The following RILPL1 variants were observed in gnomAD, a reference collection of about 807,000 sequenced individuals.
RILPL1 encodes Rab interacting lysosomal protein like 1, also known as RILP-like protein 1.
Under a neutral mutation model 50.3 loss-of-function variants are expected in RILPL1, and 33 were observed. The observed-to-expected ratio is 0.66, with a 90% CI of 0.50 to 0.88. The LOEUF (loss-of-function observed/expected upper bound fraction) is 0.88, where lower values mean the gene tolerates loss of function less well. Among genes scored for constraint, RILPL1 ranks in the 40% least tolerant of loss-of-function variants. The probability of loss-of-function intolerance (pLI) is 0.00; values close to 1 mark genes in which losing one functional copy is unlikely to be tolerated. For synonymous variants in RILPL1, 205 were observed against 228.6 expected (o/e 0.90, Z 0.93); for missense variants, 418 against 542.5 (o/e 0.77, Z 2.28).
chr12:123,515,878 T>C (rs1004831732), intron 2 of RILPL1, among the ~76,000 whole-genome samples: 2 of 151,050 alleles, frequency 1.3e-5, no homozygotes, highest in African/African-American at 4.9e-5. Context: ...CTACTAAAAA[T>C]ACAAAATTAG....
In RILPL1 at chr12:123,498,450, A is replaced by C. The variant is rs141799310; in HGVS notation, c.801+94T>G. ...GTTGCCCAGGTTGGCCATTTTCTGA[A>C]GTATAATGGGGAAAACAAGGCAACC... On this transcript the variant is annotated intron_variant, in intron 4 of 6. Coordinates refer to ENST00000376874, the MANE Select transcript of RILPL1 (RefSeq NM_178314.5). This position sits in a 1 kb window ranked among gnomAD's most constrained non-coding sequence, Gnocchi z 4.3. 9.8e-3 allele frequency: 11,144 copies of C among 1,142,102 alleles called. 100 individuals are homozygous for C. The highest frequency in any genetic ancestry group is 0.013 in the South Asian group (990 of 75,036). The allele number at this position is 1,142,102 out of a possible 1,614,324, so 70.7% of individuals were successfully genotyped here.
rs879555215 is a variant in RILPL1 at position 123,476,779 on chromosome 12, G to GC, written c.1068-4098dup. ...GAGACAATACCTGACTGTTATTGAA[G>GC]CCCCTGAGTCTGCAGTATTTTGTTA... On this transcript the variant is annotated intron_variant, in intron 6 of 6. Transcript: ENST00000376874. Among the ~76,000 whole-genome samples, 79 of 152,334 alleles carry GC rather than the reference G, an allele frequency of 5.2e-4. No individual in the cohort carries two copies. The Middle Eastern group carries it at 0.017, about 33-fold the overall frequency.
intron 2 of RILPL1, among the ~76,000 whole-genome samples, chr12:123,517,428 T>G (rs1212982087): frequency 2.6e-5 from 2 of 75,768 alleles, no homozygotes; most frequent in Non-Finnish European, 7.5e-5. Context: ...GTTATTGTTT[T>G]TTTTTTTTTT....
rs1566107970 is a variant in RILPL1, at chr12:123,471,789, GAAA to G, written c.*746_*748del. On this transcript the variant is annotated 3_prime_UTR_variant, in exon 7 of 7. Transcript: ENST00000376874. ...TCCTAAAAGGAAAAAAAGATGTCAG[GAAA>G]AAAAAGTGCACACAAGAAATGTTGC... 6.6e-6 allele frequency: 1 copy of G among 152,350 alleles called. No individual in the cohort carries two copies. Among genetic ancestry groups the G allele is most frequent in the Non-Finnish European group, 1.5e-5 (1 of 67,964 alleles). The allele number at this position is 152,350 out of a possible 1,614,324, so 9.4% of individuals were successfully genotyped here.
At chr12:123,499,394 G>C (rs9697264) in intron 3 of RILPL1, 24 bp downstream of exon 3, 2 of 1,554,354 alleles carry the variant, frequency 1.3e-6, no homozygotes, top group East Asian at 4.5e-5. Context: ...GAGGGTGGAC[G>C]CAGGTCAGGG....
chr12:123,525,137 AAAT>A (rs1372913390), intron 1 of RILPL1, among the ~76,000 whole-genome samples: 4 of 151,916 alleles, frequency 2.6e-5, no homozygotes, highest in African/African-American at 7.3e-5. Flanking sequence ...GTCTTGGAAA[AAAT>A]AATAATAATA....
At chr12:123,497,679 A>AC (rs1335439672) in intron 4 of RILPL1, among the ~76,000 whole-genome samples, 8 of 152,132 alleles carry the variant, frequency 5.3e-5, no homozygotes, top group Admixed American at 4.6e-4. Context: ...GGTGTGAGCC[A>AC]CCATACCCAG....
chr12:123,507,540 GGTT>G (rs1489331041), intron 2 of RILPL1, among the ~76,000 whole-genome samples: 4 of 24,128 alleles, frequency 1.7e-4, no homozygotes, highest in Non-Finnish European at 3.3e-4. Context: ...TTCCAGCCTG[GGTT>G]GACAGAATGA....
intron 4 of RILPL1, among the ~76,000 whole-genome samples, chr12:123,496,234 G>A (rs776104794): frequency 1.3e-5 from 2 of 151,738 alleles, no homozygotes; most frequent in Admixed American, 6.6e-5. Flanking sequence ...GGCTGGTCTC[G>A]AACTCCTGAC....
rs370495740 is a variant in RILPL1, at chr12:123,517,463, C to T, written c.460+6032G>A. Among the ~76,000 whole-genome samples, 4 of 149,968 alleles carry T rather than the reference C, an allele frequency of 2.7e-5. No homozygotes were observed. The South Asian group carries it at 6.3e-4, about 24-fold the overall frequency. On this transcript the variant is annotated intron_variant, in intron 2 of 6. Coordinates refer to ENST00000376874, the MANE Select transcript of RILPL1 (RefSeq NM_178314.5). ...TTTTTGCGAGTCTCGCTGTGTTGCC[C>T]AGGCTGGAGCGCAGCGGTGGCAATC...
At chr12:123,512,953 C>CGT (rs1206029315) in intron 2 of RILPL1, among the ~76,000 whole-genome samples, 1 of 37,000 alleles carries the variant, frequency 2.7e-5, no homozygotes, top group Non-Finnish European at 5.4e-5. Flanking sequence ...GTGTGAGGTC[C>CGT]GTGTGTGTGT....
intron 2 of RILPL1, among the ~76,000 whole-genome samples, chr12:123,504,530 C>T (rs967376545): frequency 2.6e-5 from 4 of 152,108 alleles, no homozygotes; most frequent in Admixed American, 6.6e-5. Flanking sequence ...CTGTCTCATT[C>T]GTCTCTGTAT....
intron 4 of RILPL1, among the ~76,000 whole-genome samples, chr12:123,494,911 T>C (rs1882930416): frequency 6.6e-6 from 1 of 152,214 alleles, no homozygotes; most frequent in Non-Finnish European, 1.5e-5. Flanking sequence ...TCCCCAGCAC[T>C]GCAGACGACA....
chr12:123,513,587 G>C (rs942258377), intron 2 of RILPL1: 1 of 180,908 alleles, frequency 5.5e-6, no homozygotes, highest in Non-Finnish European at 1.2e-5. Flanking sequence ...CGAGAGGCCT[G>C]TGCACGCTTC....
At chr12:123,503,133 A>G (rs9723026) in intron 2 of RILPL1, among the ~76,000 whole-genome samples, 123,840 of 148,546 alleles carry the variant, frequency 0.83, 51,678 homozygotes, top group East Asian at 1. Context: ...TGATCCACCC[A>G]CCTTGGCCTC....
chr12:123,491,799 G>A lies in RILPL1; in HGVS notation c.802-5994C>T, dbSNP rs937895043. On this transcript the variant is annotated intron_variant, in intron 4 of 6. Coordinates refer to ENST00000376874, the MANE Select transcript of RILPL1 (RefSeq NM_178314.5). The surrounding 1 kb of genome is among the most constrained non-coding windows in gnomAD (Gnocchi z 4.0). ...GCAGGCGGATCATTTGAGGTCAAGA[G>A]TTCGAGATCAGCCTGGGCAACATGG... Among the ~76,000 whole-genome samples, 2 of 152,078 alleles carry A rather than the reference G, an allele frequency of 1.3e-5. No homozygotes were observed. Among genetic ancestry groups the A allele is most frequent in the African/African-American group, 4.8e-5 (2 of 41,402 alleles).
Position 123,522,742 on chromosome 12 carries a change from A to G in RILPL1, c.460+753T>C, listed in dbSNP as rs908527657. Among the ~76,000 whole-genome samples, 3 of 152,078 alleles carry G rather than the reference A, an allele frequency of 2.0e-5. No homozygotes were observed. Among genetic ancestry groups the G allele is most frequent in the Non-Finnish European group, 4.4e-5 (3 of 68,012 alleles). On this transcript the variant is annotated intron_variant, in intron 2 of 6. Coordinates refer to ENST00000376874, the MANE Select transcript of RILPL1 (RefSeq NM_178314.5). This position sits in a 1 kb window ranked among gnomAD's most constrained non-coding sequence, Gnocchi z 4.0. ...CAAGTAGCTCAGACTACAGGTGTGC[A>G]CCACTGCACCTGGCTTATTTTTAAA...
In RILPL1 at chr12:123,484,197, C is replaced by T. The variant is rs377439343; in HGVS notation, c.1050G>A (p.Glu350=). ...IAHPRTSPQP[E]SGIKRLFSFF... ...TCACTTACAGTCGCTTGATGCCCGACTCCGGCTGGGGGGACGTCCTCGGGT... is the reference window on the plus strand; with the variant it reads ...TCACTTACAGTCGCTTGATGCCCGATTCCGGCTGGGGGGACGTCCTCGGGT... Residue 350 remains glutamate (E), a synonymous_variant, in exon 6 of 7, where the codon GAG becomes GAA. Transcript: ENST00000376874. 1.3e-5 allele frequency: 21 copies of T among 1,608,792 alleles called. No individual in the cohort carries two copies. In the African/African-American group the frequency reaches 2.8e-4, roughly 21 times the overall value.
chr12:123,476,999 T>TA (rs932113985), intron 6 of RILPL1, among the ~76,000 whole-genome samples: 25 of 152,032 alleles, frequency 1.6e-4, no homozygotes, highest in African/African-American at 6.0e-4. Flanking sequence ...GCCATGACCC[T>TA]AAGCGCCAGG....
Sources: allele counts gnomAD v4.1 joint callset (sites outside exome capture counted in the v4.1 genomes callset), GRCh38; gene constraint gnomAD v4.1.1; non-coding constraint Gnocchi (gnomAD v3.1); transcripts MANE v1.5; gene names NCBI Gene and HGNC (gene_info 2026-07-23, HGNC 2026-07-21).